The following ZFPM1 variants were observed in gnomAD, a reference collection of about 807,000 sequenced individuals.
The protein encoded by ZFPM1 is zinc finger protein ZFPM1.
ZFPM1 carries 28 observed loss-of-function variants against 46.3 expected under a neutral mutation model. The ratio of observed to expected loss-of-function variants is 0.60; its 90% confidence interval spans 0.45 to 0.83. The LOEUF (loss-of-function observed/expected upper bound fraction) is 0.83, where lower values mean the gene tolerates loss of function less well. Among genes scored for constraint, ZFPM1 ranks in the 40% least tolerant of loss-of-function variants. The probability of loss-of-function intolerance (pLI) is 0.00; values close to 1 mark genes in which losing one functional copy is unlikely to be tolerated. For missense variants in ZFPM1, 1,878 were observed against 1,432.4 expected, an observed-to-expected ratio of 1.31 and a Z score of -5.02; for synonymous variants, 957 against 675.9, an observed-to-expected ratio of 1.42 and a Z score of -6.45.
chr16:88,488,656 T>A (rs1042100410), intron 2 of ZFPM1, among the ~76,000 whole-genome samples: 1 of 152,030 alleles, frequency 6.6e-6, no homozygotes, highest in Non-Finnish European at 1.5e-5. Context: ...AACATGCCCT[T>A]TGGGCTGGAA....
intron 4 of ZFPM1, among the ~76,000 whole-genome samples, chr16:88,518,877 T>C (rs749183181): frequency 1.4e-5 from 2 of 144,966 alleles, no homozygotes; most frequent in Admixed American, 6.9e-5. Context: ...GATGGATAGA[T>C]GGATGAGTGG....
rs773352036 is a variant in ZFPM1 at position 88,489,044 on chromosome 16, C to T, written c.159C>T (p.Pro53=). ...PSPPSADVNS[P]PPLPPPTSPG... ...TCCTCTCTGCAGATGTTAACTCACC[C>T]CCACCGCTGCCGCCCCCCACATCCC... is the stretch of plus-strand genomic sequence containing the variant. The change falls in exon 3 of 10, where the codon CCC becomes CCT. Residue 53 remains proline (P), a synonymous_variant. Transcript: ENST00000319555. 7 of 1,612,790 alleles carry T rather than the reference C, an allele frequency of 4.3e-6. No individual in the cohort carries two copies. Among genetic ancestry groups the T allele is most frequent in the East Asian group, 2.2e-5 (1 of 44,864 alleles).
chr16:88,483,264 G>A lies in ZFPM1; in HGVS notation c.41-2675G>A, dbSNP rs1043367598. Among the ~76,000 whole-genome samples, 20 of 150,266 alleles carry A rather than the reference G, an allele frequency of 1.3e-4. No homozygotes were observed. The South Asian group carries it at 1.9e-3, about 14-fold the overall frequency. ...TGTCCAGGACCCCCCATGGCTCCCC[G>A]GTGGCACCTGCCCCTCCTGTCCAGG... is the stretch of plus-strand genomic sequence containing the variant. On this transcript the variant is annotated intron_variant, in intron 1 of 9. Transcript: ENST00000319555.
chr16:88,529,644 G>A lies in ZFPM1; in HGVS notation c.712+1406G>A, dbSNP rs79409987. 4.0e-3 allele frequency among the ~76,000 whole-genome samples: 605 copies of A among 152,324 alleles called. 3 individuals carry two copies. Among genetic ancestry groups the A allele is most frequent in the African/African-American group, 0.014 (575 of 41,566 alleles). On this transcript the variant is annotated intron_variant, in intron 6 of 9. Transcript: ENST00000319555. ...GGACAGGGGACATCTCCCAAGGTAC[G>A]GAGAGTGAGCTGAGATAGGTTAGAG... is the stretch of plus-strand genomic sequence containing the variant.
intron 3 of ZFPM1, among the ~76,000 whole-genome samples, chr16:88,491,343 T>C (rs1227065952): frequency 6.6e-6 from 1 of 152,118 alleles, no homozygotes; most frequent in Non-Finnish European, 1.5e-5. Flanking sequence ...CAGGGACCAT[T>C]GTGTACCTGT....
At chr16:88,513,334 T>A (rs1393240695) in intron 3 of ZFPM1, 1 of 152,274 alleles carries the variant, frequency 6.6e-6, no homozygotes, top group Non-Finnish European at 1.5e-5. Context: ...GTTAAAACGT[T>A]TTAGCAGGGC....
chr16:88,454,253 C>T (rs995423356), intron 1 of ZFPM1, among the ~76,000 whole-genome samples: 2 of 152,310 alleles, frequency 1.3e-5, no homozygotes, highest in Non-Finnish European at 2.9e-5. Context: ...GTCGCAGAGC[C>T]GCAGGACAGG....
chr16:88,512,761 C>T (rs1484918040), intron 3 of ZFPM1, among the ~76,000 whole-genome samples: 2 of 152,160 alleles, frequency 1.3e-5, no homozygotes, highest in Non-Finnish European at 2.9e-5. Flanking sequence ...ACCAGGAGCT[C>T]CCATCGGGGG....
At position 88,534,216 on chromosome 16, in the gene ZFPM1, G is replaced by A; in HGVS notation, c.2258G>A (p.Gly753Asp). The A allele has an allele frequency of 6.1e-6, 6 of 981,256 alleles. No homozygotes were observed. Among genetic ancestry groups the A allele is most frequent in the Non-Finnish European group, 7.2e-6 (6 of 829,536 alleles). 60.8% of individuals were successfully genotyped at this position (981,256 alleles called of 1,614,324 possible). A position where few individuals can be genotyped will look rare whatever the true frequency, so the allele number is the denominator to read the frequency against. The change falls in exon 10 of 10, where the codon GGC becomes GAC. Residue 753 changes from glycine to aspartate, a missense_variant. By Grantham distance (94) the Gly-to-Asp change is moderately conservative. Coordinates refer to ENST00000319555, the MANE Select transcript of ZFPM1 (RefSeq NM_153813.3). ...AAGCTCTACGAGCTGCACGCGGCCG[G>A]CGCCCCGCCCCCCCCGCCGCCCGGC... ...RRKLYELHAA[G>D]APPPPPPGHA...
rs528394800 is a variant in ZFPM1 at position 88,484,857 on chromosome 16, G to A, written c.41-1082G>A. Among the ~76,000 whole-genome samples the A allele has an allele frequency of 3.9e-5, 6 of 152,334 alleles. No homozygotes were observed. In the South Asian group the frequency reaches 8.3e-4, roughly 21 times the overall value. ...TGTGGGGTCCGGAGCAGCTGCCCCCGCACTTGGGCCGCGTGGCCTTGTCTC... is the reference window on the plus strand; with the variant it reads ...TGTGGGGTCCGGAGCAGCTGCCCCCACACTTGGGCCGCGTGGCCTTGTCTC... On this transcript the variant is annotated intron_variant, in intron 1 of 9. Transcript: ENST00000319555.
At chr16:88,487,529 A>G (rs533247621) in intron 2 of ZFPM1, among the ~76,000 whole-genome samples, 1 of 152,274 alleles carries the variant, frequency 6.6e-6, no homozygotes, top group African/African-American at 2.4e-5. Context: ...CTCCAAGGCC[A>G]ACGGGGGTGG....
At chr16:88,466,863 A>G (rs1343336957) in intron 1 of ZFPM1, among the ~76,000 whole-genome samples, 2 of 152,192 alleles carry the variant, frequency 1.3e-5, no homozygotes, top group East Asian at 1.9e-4. Flanking sequence ...TATCATGGGC[A>G]TGATCACAGT....
chr16:88,476,915 G>A (rs1908712288), intron 1 of ZFPM1, among the ~76,000 whole-genome samples: 1 of 152,268 alleles, frequency 6.6e-6, no homozygotes, highest in African/African-American at 2.4e-5. Context: ...ACCGCTTTTG[G>A]CTGCAAGACC....
chr16:88,517,790 A>G (rs1224595416), intron 4 of ZFPM1, among the ~76,000 whole-genome samples: 2 of 122,712 alleles, frequency 1.6e-5, no homozygotes, highest in Admixed American at 1.7e-4. Flanking sequence ...GGATGAATGA[A>G]TGGGTGGGTG....
chr16:88,453,185 C>T (rs1434847007), upstream of ZFPM1: 1 of 145,040 alleles, frequency 6.9e-6, no homozygotes, highest in Non-Finnish European at 1.5e-5. Context: ...GGTGCAGGGC[C>T]CGGCAGGAGG....
At chr16:88,531,934 C>T (rs768674691) in intron 6 of ZFPM1, 68 bp from the exon 7 acceptor site, 18 of 1,467,640 alleles carry the variant, frequency 1.2e-5, no homozygotes, top group South Asian at 6.5e-5. Context: ...GCCCTGCCTC[C>T]GCCCACAGCC....
chr16:88,534,909 G>A lies in ZFPM1; in HGVS notation c.2951G>A (p.Ser984Asn), dbSNP rs746063171. 1 of 1,560,640 alleles carries A rather than the reference G, an allele frequency of 6.4e-7. No individual in the cohort carries two copies. The highest frequency in any genetic ancestry group is 2.5e-5 in the East Asian group (1 of 39,242). ...TGCCGTCTTTGCAACATCAAGTTCA[G>A]CAGCCTGTCCACCTTCATCGCCCAC... ...RYCRLCNIKFSSLSTFIAHKK... is the reference protein window; with the variant it reads ...RYCRLCNIKFNSLSTFIAHKK... The change falls in exon 10 of 10, where the codon AGC (serine) becomes AAC (asparagine). Residue 984 changes from serine to asparagine, a missense_variant. Coordinates refer to ENST00000319555, the MANE Select transcript of ZFPM1 (RefSeq NM_153813.3).
rs1429587415 is a variant in ZFPM1 at position 88,480,956 on chromosome 16, C to G, written c.41-4983C>G. ...TGGGGACTTGGAAGGGAGCTGGGAT[C>G]ATCCCGCTGCACAGAGCCAGCTCCA... On this transcript the variant is annotated intron_variant, in intron 1 of 9. Transcript: ENST00000319555. The surrounding 1 kb of genome is among the most constrained non-coding windows in gnomAD (Gnocchi z 4.9). 6.6e-6 allele frequency among the ~76,000 whole-genome samples: 1 copy of G among 152,246 alleles called. No homozygotes were observed. The highest frequency in any genetic ancestry group is 1.5e-5 in the Non-Finnish European group (1 of 68,044).
chr16:88,453,248 G>T (rs867959856), upstream of ZFPM1: 1 of 146,972 alleles, frequency 6.8e-6, no homozygotes, highest in African/African-American at 2.4e-5. Flanking sequence ...GGCGGCCGAC[G>T]ACGCTCAGGC....
Sources: allele counts gnomAD v4.1 joint callset (sites outside exome capture counted in the v4.1 genomes callset), GRCh38; gene constraint gnomAD v4.1.1; non-coding constraint Gnocchi (gnomAD v3.1); transcripts MANE v1.5; gene names NCBI Gene and HGNC (gene_info 2026-07-23, HGNC 2026-07-21).